Variants in MLLT10 observed in about 807,000 individuals in gnomAD.
The protein encoded by MLLT10 is protein AF-10.
A neutral mutation model predicts 129.1 loss-of-function variants in MLLT10; 30 were observed. The ratio of observed to expected loss-of-function variants is 0.23; its 90% CI spans 0.17 to 0.32. The LOEUF is 0.32. Among genes scored for constraint, MLLT10 ranks in the 10% least tolerant of loss-of-function variants. The probability of loss-of-function intolerance (pLI) is 1.00; values close to 1 mark genes in which losing one functional copy is unlikely to be tolerated. For missense variants in MLLT10, 1,119 were observed against 1,268.3 expected, an observed-to-expected ratio of 0.88 and a Z score of 1.79; for synonymous variants, 490 against 446.4, an observed-to-expected ratio of 1.10 and a Z score of -1.23.
At chr10:21,541,187 T>A (rs1388832550) in intron 3 of MLLT10, 2 of 152,024 alleles carry the variant, frequency 1.3e-5, no homozygotes, top group African/African-American at 2.4e-5. Context: ...AATGGTTGAG[T>A]AACCTATAAA....
chr10:21,555,327 A>C lies in MLLT10; in HGVS notation c.240+16415A>C, dbSNP rs545557207. ...AGTCCCCACCTCCTGGATTCAAGCA[A>C]TTCTCCCTTCTCAGCCTCCTCAGTA... On this transcript the variant is annotated intron_variant, in intron 3 of 22. Coordinates refer to ENST00000307729, the MANE Select transcript of MLLT10 (RefSeq NM_001195626.3). Among the ~76,000 whole-genome samples the C allele has an allele frequency of 1.2e-3, 188 of 152,056 alleles. 1 individual carries two copies. Among genetic ancestry groups the C allele is most frequent in the African/African-American group, 4.3e-3 (178 of 41,478 alleles).
At chr10:21,700,193 A>G (rs2054778227) in intron 13 of MLLT10, among the ~76,000 whole-genome samples, 1 of 151,560 alleles carries the variant, frequency 6.6e-6, no homozygotes, top group Non-Finnish European at 1.5e-5. Flanking sequence ...ATATATAGAA[A>G]CAGTACTGGT....
At chr10:21,621,982 A>G (rs1262135708) in intron 8 of MLLT10, among the ~76,000 whole-genome samples, 1 of 152,166 alleles carries the variant, frequency 6.6e-6, no homozygotes, top group Non-Finnish European at 1.5e-5. Flanking sequence ...GTTTTAGGAA[A>G]AATTTAAAAA....
At chr10:21,586,511 CA>C (rs2041999864) in intron 4 of MLLT10, among the ~76,000 whole-genome samples, 163 bp downstream of exon 4, 1 of 152,132 alleles carries the variant, frequency 6.6e-6, no homozygotes, top group African/African-American at 2.4e-5. Context: ...TATTGACCCA[CA>C]ATTTTTCTAC....
At chr10:21,567,824 T>C (rs1252967147) in intron 3 of MLLT10, among the ~76,000 whole-genome samples, 2 of 149,798 alleles carry the variant, frequency 1.3e-5, no homozygotes, top group Admixed American at 6.7e-5. Context: ...GCTTCTTCTT[T>C]TTTTTTTTTT....
At chr10:21,654,018 T>C (rs763347162) in intron 9 of MLLT10, among the ~76,000 whole-genome samples, 4 of 152,146 alleles carry the variant, frequency 2.6e-5, no homozygotes, top group Admixed American at 6.5e-5. Flanking sequence ...GGAAGAAAAC[T>C]AACAGGATGT....
At chr10:21,617,759 G>A (rs1045885460) in intron 8 of MLLT10, among the ~76,000 whole-genome samples, 12 of 152,022 alleles carry the variant, frequency 7.9e-5, no homozygotes, top group African/African-American at 2.4e-4. Flanking sequence ...TGTTTTTCCC[G>A]CTTACATTTT....
chr10:21,541,672 TA>T (rs938659621), intron 3 of MLLT10, among the ~76,000 whole-genome samples: 58 of 152,172 alleles, frequency 3.8e-4, no homozygotes, highest in African/African-American at 1.3e-3. Context: ...AGGCGTGAGC[TA>T]CCACGCCCGG....
In MLLT10 at chr10:21,743,375, T is replaced by C. The variant is rs779202977; in HGVS notation, c.*1392T>C. 17 of 211,002 alleles carry C rather than the reference T, an allele frequency of 8.1e-5. No homozygotes were observed. Among genetic ancestry groups the C allele is most frequent in the Non-Finnish European group, 1.3e-4 (13 of 103,914 alleles). 13.1% of individuals were successfully genotyped at this position (211,002 alleles called of 1,614,324 possible). On this transcript the variant is annotated 3_prime_UTR_variant, in exon 23 of 23. Transcript: ENST00000307729. ...TTGATATTTTGATTTGTAATATTTCTAATTGGTAGATTTAATTGAAAAGTA... is the reference window on the plus strand; with the variant it reads ...TTGATATTTTGATTTGTAATATTTCCAATTGGTAGATTTAATTGAAAAGTA...
At chr10:21,653,046 A>G (rs894944566) in intron 9 of MLLT10, among the ~76,000 whole-genome samples, 1 of 152,200 alleles carries the variant, frequency 6.6e-6, no homozygotes, top group Non-Finnish European at 1.5e-5. Flanking sequence ...TTGAGGGGAA[A>G]GAAAGGAATT....
At chr10:21,614,711 T>G in intron 6 of MLLT10, 120 bp from the exon 7 acceptor site, 1 of 705,186 alleles carries the variant, frequency 1.4e-6, no homozygotes, top group South Asian at 2.7e-5. Context: ...TTTCTCATTT[T>G]TTTCTTAGGA....
chr10:21,599,036 G>A (rs951962047), intron 5 of MLLT10, among the ~76,000 whole-genome samples: 2 of 151,966 alleles, frequency 1.3e-5, no homozygotes, highest in East Asian at 3.9e-4. Context: ...AAAATTAGCC[G>A]GGTGTAGTAG....
chr10:21,617,293 A>T (rs1201473079), intron 8 of MLLT10, 86 bp downstream of exon 8: 3 of 540,858 alleles, frequency 5.5e-6, no homozygotes. Context: ...TACATTCTTG[A>T]TAGTTAAATG....
chr10:21,602,138 C>G (rs1344842665), intron 5 of MLLT10, among the ~76,000 whole-genome samples: 1 of 152,160 alleles, frequency 6.6e-6, no homozygotes, highest in African/African-American at 2.4e-5. Flanking sequence ...TTCACCTAGA[C>G]AAACATGAGT....
chr10:21,717,602 TTCC>T (rs2056735433), intron 14 of MLLT10, among the ~76,000 whole-genome samples: 1 of 125,264 alleles, frequency 8.0e-6, no homozygotes, highest in Non-Finnish European at 1.7e-5. Flanking sequence ...CTCTTCTTTC[TTCC>T]TCTTCTTCCT....
At chr10:21,644,614 A>G (rs1311233995) in intron 8 of MLLT10, among the ~76,000 whole-genome samples, 1 of 152,034 alleles carries the variant, frequency 6.6e-6, no homozygotes, top group East Asian at 1.9e-4. Flanking sequence ...CTTATGGGGA[A>G]TACCCTAGGA....
intron 8 of MLLT10, among the ~76,000 whole-genome samples, chr10:21,633,744 C>T (rs2047206730): frequency 6.6e-6 from 1 of 152,072 alleles, no homozygotes; most frequent in South Asian, 2.1e-4. Flanking sequence ...GTGATGCTTC[C>T]TCTCTACACA....
chr10:21,572,701 C>T (rs1225603318), intron 3 of MLLT10, among the ~76,000 whole-genome samples: 2 of 151,968 alleles, frequency 1.3e-5, no homozygotes, highest in Non-Finnish European at 2.9e-5. Context: ...CTCACTCCAT[C>T]TCCTGGGTTC....
rs780206129 is a variant in MLLT10 at position 21,713,875 on chromosome 10, T to G, written c.1803T>G (p.Ser601=). Residue 601 remains serine (S), a synonymous_variant, in exon 14 of 23, where the codon TCT becomes TCG. Transcript: ENST00000307729. ...GCTCTCACTTACCTCAGCAGTCTTCTGGGCATTTGCAACAAGTAGGAGCGC... is the reference window on the plus strand; with the variant it reads ...GCTCTCACTTACCTCAGCAGTCTTCGGGGCATTTGCAACAAGTAGGAGCGC... ...VSSSHLPQQS[S]GHLQQVGALS... 4.3e-6 allele frequency: 7 copies of G among 1,614,146 alleles called. No individual in the cohort carries two copies. Among genetic ancestry groups the G allele is most frequent in the Non-Finnish European group, 5.9e-6 (7 of 1,179,996 alleles).
Sources: gnomAD v4.1 joint callset for allele counts (sites outside exome capture counted in the v4.1 genomes callset) on GRCh38, gnomAD v4.1.1 for gene constraint, MANE v1.5 for transcripts, NCBI Gene and HGNC (gene_info 2026-07-23, HGNC 2026-07-21) for gene names.